The following CD24 variants were observed in gnomAD, a reference collection of about 807,000 sequenced individuals.
CD24 encodes CD24 molecule, also known as signal transducer CD24.
Under a neutral mutation model 3.6 loss-of-function variants are expected in CD24, and 2 were observed. The ratio of observed to expected loss-of-function variants is 0.56; its 90% CI spans 0.23 to 1.77. The LOEUF (loss-of-function observed/expected upper bound fraction) is 1.77. Among genes scored for constraint, CD24 ranks in the 40% most tolerant of loss-of-function variants. The probability of loss-of-function intolerance (pLI) is 0.18; values close to 1 mark genes in which losing one functional copy is unlikely to be tolerated. For missense variants in CD24, 62 were observed against 93.6 expected, an observed-to-expected ratio of 0.66 and a Z score of 1.39; for synonymous variants, 33 against 44.9, an observed-to-expected ratio of 0.74 and a Z score of 1.06.
chr6:106,975,564 G>C (rs1773094369), upstream of CD24: 1 of 152,314 alleles, frequency 6.6e-6, no homozygotes, highest in Non-Finnish European at 1.5e-5. Context: ...TCCCGGGTCC[G>C]CATCTTCCCA....
chr6:106,972,109 C>T (rs1772985842), intron 1 of CD24, among the ~76,000 whole-genome samples: 1 of 151,992 alleles, frequency 6.6e-6, no homozygotes, highest in Non-Finnish European at 1.5e-5. Context: ...TATTTCTTTG[C>T]AAAGGAAAAA....
upstream of CD24, chr6:106,975,770 C>A (rs1041063519): frequency 6.6e-6 from 1 of 152,298 alleles, no homozygotes; most frequent in Non-Finnish European, 1.5e-5. Flanking sequence ...GGGGCAGGAA[C>A]CTCCCCTCCT....
chr6:106,973,804 A>C, intron 1 of CD24: 1 of 398,464 alleles, frequency 2.5e-6, no homozygotes, highest in Non-Finnish European at 4.4e-6. Flanking sequence ...GGTTCCCCGG[A>C]TGGAGGATCT....
chr6:106,974,025 G>T, intron 1 of CD24: 1 of 397,724 alleles, frequency 2.5e-6, no homozygotes, highest in Non-Finnish European at 4.4e-6. Flanking sequence ...CCGGAACCGG[G>T]GTTTGTTTAA....
chr6:106,976,789 C>T (rs929852201), upstream of CD24, among the ~76,000 whole-genome samples: 3 of 152,094 alleles, frequency 2.0e-5, no homozygotes, highest in African/African-American at 7.2e-5. Flanking sequence ...ATAGCTTGAA[C>T]CTGAGAGGTG....
upstream of CD24, among the ~76,000 whole-genome samples, chr6:106,976,507 G>A (rs1773109884): frequency 6.6e-6 from 1 of 152,060 alleles, no homozygotes; most frequent in Admixed American, 6.6e-5. Flanking sequence ...AATTTCTGTC[G>A]AGCACCAGTG....
rs1161478126 is a variant in CD24 at position 106,970,726 on chromosome 6, C to T, written c.*935G>A. 8.5e-5 allele frequency: 13 copies of T among 152,164 alleles called. No individual in the cohort carries two copies. Among genetic ancestry groups the T allele is most frequent in the African/African-American group, 3.1e-4 (13 of 41,422 alleles). 9.4% of individuals were successfully genotyped at this position (152,164 alleles called of 1,614,324 possible). ...ACTTGGGAGGCTGAGGCAGGAGAAT[C>T]GCTTGAGCCCGGGAGGCAAATGGTA... On this transcript the variant is annotated 3_prime_UTR_variant, in exon 2 of 2. Transcript: ENST00000606017.
At chr6:106,973,510 C>G in intron 1 of CD24, 1 of 397,190 alleles carries the variant, frequency 2.5e-6, no homozygotes. Flanking sequence ...AGGCTGCACT[C>G]CCAGGTGAGC....
intron 1 of CD24, among the ~76,000 whole-genome samples, chr6:106,972,076 T>G (rs1772984693): frequency 6.6e-6 from 1 of 152,196 alleles, no homozygotes; most frequent in African/African-American, 2.4e-5. Flanking sequence ...AAAAAGTTAT[T>G]CAATAACTAT....
Position 106,971,283 on chromosome 6 carries a change from A to C in CD24, c.*378T>G. ...ATGGCCTTATAGAATTAATGAACCA[A>C]ATGAAAACTGAATCTCCATTCCACA... On this transcript the variant is annotated 3_prime_UTR_variant, in exon 2 of 2. Transcript: ENST00000606017. 1 of 211,190 alleles carries C rather than the reference A, an allele frequency of 4.7e-6. No homozygotes were observed. Among genetic ancestry groups the C allele is most frequent in the Non-Finnish European group, 9.3e-6 (1 of 107,206 alleles). 13.1% of individuals were successfully genotyped at this position (211,190 alleles called of 1,614,324 possible).
At position 106,970,282 on chromosome 6, in the gene CD24, T is replaced by C; in HGVS notation, c.*1379A>G. The C allele has an allele frequency of 6.6e-6, 1 of 152,632 alleles. No individual in the cohort carries two copies. The highest frequency in any genetic ancestry group is 1.9e-4 in the East Asian group (1 of 5,198). 9.5% of individuals were successfully genotyped at this position (152,632 alleles called of 1,614,324 possible). A position where few individuals can be genotyped will look rare whatever the true frequency, so the allele number is the denominator to read the frequency against. ...GACTGATAACAAAAAGTGTTCTAAA[T>C]GTGGCTATTCTGATCCATAGTTGTT... is the stretch of plus-strand genomic sequence containing the variant. On this transcript the variant is annotated 3_prime_UTR_variant, in exon 2 of 2. Transcript: ENST00000606017.
chr6:106,976,276 TAAAGTA>T (rs1773107153), upstream of CD24, among the ~76,000 whole-genome samples: 1 of 152,190 alleles, frequency 6.6e-6, no homozygotes, highest in Non-Finnish European at 1.5e-5. Flanking sequence ...TTTCGGTCTT[TAAAGTA>T]AACCACAGAG....
chr6:106,971,739 G>C lies in CD24; in HGVS notation c.165C>G (p.Thr55=). The change falls in exon 2 of 2, where the codon ACC becomes ACG. Residue 55 remains threonine (T), a synonymous_variant. Coordinates refer to ENST00000606017, the MANE Select transcript of CD24 (RefSeq NM_001359084.1). ...GLAPNPTNAT[T]KAAGGALQST... is the part of the protein sequence containing the mutation. ...ACTGCAGGGCACCACCAGCCGCCTTGGTGGTGGCATTAGTTGGATTTGGGG... is the reference window on the plus strand; with the variant it reads ...ACTGCAGGGCACCACCAGCCGCCTTCGTGGTGGCATTAGTTGGATTTGGGG... 1.3e-6 allele frequency: 2 copies of C among 1,549,918 alleles called. No individual in the cohort carries two copies. The highest frequency in any genetic ancestry group is 1.7e-6 in the Non-Finnish European group (2 of 1,145,448).
upstream of CD24, among the ~76,000 whole-genome samples, chr6:106,974,931 C>CGGGCGGGCGCCGCTGCAGGT (rs1222832697): frequency 8.1e-5 from 12 of 148,160 alleles, 1 homozygote; most frequent in South Asian, 2.3e-3. Context: ...GGGAGCCCCC[C>CGGGCGGGCGCCGCTGCAGGT]GGGCGGGCGC....
chr6:106,971,652 C>T lies in CD24; in HGVS notation c.*9G>A. On this transcript the variant is annotated 3_prime_UTR_variant, in exon 2 of 2. Coordinates refer to ENST00000606017, the MANE Select transcript of CD24 (RefSeq NM_001359084.1). ...GGAAATTTAGAAGACGTTTCTTGGCCTGAGTCTCTTAAGAGTAGAGATGCA... is the reference window on the plus strand; with the variant it reads ...GGAAATTTAGAAGACGTTTCTTGGCTTGAGTCTCTTAAGAGTAGAGATGCA... The T allele has an allele frequency of 6.5e-7, 1 of 1,545,956 alleles. No homozygotes were observed. The highest frequency in any genetic ancestry group is 1.4e-5 in the African/African-American group (1 of 72,950).
Position 106,970,028 on chromosome 6 carries a change from A to G in CD24, c.*1633T>C, listed in dbSNP as rs1192199992. On this transcript the variant is annotated 3_prime_UTR_variant, in exon 2 of 2. Transcript: ENST00000606017. Reference sequence around the variant, plus strand: ...AAAACTGTTCGATCTGTTTGTTCCCATGTAGTTTTCTAAAGATGGAAAAAA... The same window carrying G: ...AAAACTGTTCGATCTGTTTGTTCCCGTGTAGTTTTCTAAAGATGGAAAAAA... The G allele has an allele frequency of 6.6e-6, 1 of 152,644 alleles. No individual in the cohort carries two copies. The highest frequency in any genetic ancestry group is 1.5e-5 in the Non-Finnish European group (1 of 68,040). The allele number at this position is 152,644 out of a possible 1,614,324, so 9.5% of individuals were successfully genotyped here. A position where few individuals can be genotyped will look rare whatever the true frequency, so the allele number is the denominator to read the frequency against.
rs1262057444 is a variant in CD24, at chr6:106,970,506, T to C, written c.*1155A>G. ...TAAATTGTAAAAAGTATTCAACATA[T>C]GCAGAAATAAAAAGCATTTTGATGG... On this transcript the variant is annotated 3_prime_UTR_variant, in exon 2 of 2. Transcript: ENST00000606017. 2 of 152,636 alleles carry C rather than the reference T, an allele frequency of 1.3e-5. No homozygotes were observed. Among genetic ancestry groups the C allele is most frequent in the African/African-American group, 2.4e-5 (1 of 41,470 alleles). 9.5% of individuals were successfully genotyped at this position (152,636 alleles called of 1,614,324 possible).
chr6:106,974,474 T>C (rs1293425717), intron 1 of CD24, 104 bp downstream of exon 1: 18 of 627,444 alleles, frequency 2.9e-5, no homozygotes, highest in Non-Finnish European at 4.6e-5. Flanking sequence ...TCCCTGTCCG[T>C]GGCCCGAGGC....
chr6:106,974,701 C>T lies in CD24; in HGVS notation c.-55G>A. 2 of 1,476,642 alleles carry T rather than the reference C, an allele frequency of 1.4e-6. No homozygotes were observed. The highest frequency in any genetic ancestry group is 1.8e-6 in the Non-Finnish European group (2 of 1,120,126). 91.5% of individuals were successfully genotyped at this position (1,476,642 alleles called of 1,614,324 possible). A position where few individuals can be genotyped will look rare whatever the true frequency, so the allele number is the denominator to read the frequency against. ...GCAGGATGCTGGGTGCTTGGAGAAC[C>T]GCTGGCTCCGGGCGGGCGCAGGCAA... is the stretch of plus-strand genomic sequence containing the variant. On this transcript the variant is annotated 5_prime_UTR_variant, in exon 1 of 2. Coordinates refer to ENST00000606017, the MANE Select transcript of CD24 (RefSeq NM_001359084.1).
Sources: gnomAD v4.1 joint callset for allele counts (sites outside exome capture counted in the v4.1 genomes callset) on GRCh38, gnomAD v4.1.1 for gene constraint, MANE v1.5 for transcripts, NCBI Gene and HGNC (gene_info 2026-07-23, HGNC 2026-07-21) for gene names.